CPEB3: variants seen among roughly 807,000 people sequenced by gnomAD.
The protein encoded by CPEB3 is cytoplasmic polyadenylation element-binding protein 3.
CPEB3 carries 20 observed loss-of-function variants against 67.2 expected under a neutral mutation model. The observed-to-expected ratio is 0.30, with a 90% CI of 0.21 to 0.43. The LOEUF (loss-of-function observed/expected upper bound fraction) is 0.43. Among genes scored for constraint, CPEB3 ranks in the 20% least tolerant of loss-of-function variants. The probability of loss-of-function intolerance (pLI) is 1.00; values close to 1 mark genes in which losing one functional copy is unlikely to be tolerated. For synonymous variants in CPEB3, 376 were observed against 393.1 expected, an observed-to-expected ratio of 0.96 and a Z score of 0.51; for missense variants, 746 against 968.6, an observed-to-expected ratio of 0.77 and a Z score of 3.05.
intron 1 of CPEB3, among the ~76,000 whole-genome samples, chr10:92,284,818 C>A (rs1842455894): frequency 6.6e-6 from 1 of 152,150 alleles, no homozygotes; most frequent in Admixed American, 6.5e-5. Context: ...TATCTTCAGT[C>A]CCTAGCTTAG....
At chr10:92,187,472 G>A (rs1263720110) in intron 3 of CPEB3, among the ~76,000 whole-genome samples, 1 of 152,230 alleles carries the variant, frequency 6.6e-6, no homozygotes, top group Non-Finnish European at 1.5e-5. Context: ...TGCATGGGAT[G>A]AAGAAAAAGT....
Position 92,147,770 on chromosome 10 carries a change from T to C in CPEB3, c.1223-2685A>G, listed in dbSNP as rs1846758053. On this transcript the variant is annotated intron_variant, in intron 4 of 9. Transcript: ENST00000265997. ...CAGGAGGGCAATTTTGAGCAGAATC[T>C]TGTCAGAGTGGGAGTTTCTGAAGTA... Among the ~76,000 whole-genome samples, 8 of 152,198 alleles carry C rather than the reference T, an allele frequency of 5.3e-5. No homozygotes were observed. The South Asian group carries it at 1.7e-3, about 32-fold the overall frequency.
rs1436735129 is a variant in CPEB3, at chr10:92,286,579, TATCTA to T, written c.-12+4342_-12+4346del. Among the ~76,000 whole-genome samples the T allele has an allele frequency of 5.5e-4, 80 of 144,696 alleles. No homozygotes were observed. In the South Asian group the frequency reaches 9.5e-3, roughly 17 times the overall value. The allele number at this position is 144,696 out of a possible 152,430, so 94.9% of individuals were successfully genotyped here. On this transcript the variant is annotated intron_variant, in intron 1 of 9. Transcript: ENST00000265997. ...CAGCCTGGGCAGCAGAGCAAGACTC[TATCTA>T]AAAAAAAAAAAAAAAAACATAGGTA...
rs183397291 is a variant in CPEB3 at position 92,254,193 on chromosome 10, C to T, written c.-11-13832G>A. Among the ~76,000 whole-genome samples the T allele has an allele frequency of 5.9e-5, 9 of 151,732 alleles. No homozygotes were observed. The East Asian group carries it at 1.7e-3, about 29-fold the overall frequency. On this transcript the variant is annotated intron_variant, in intron 1 of 9. Transcript: ENST00000265997. ...GCAGTGAGCCATGATTGTGTCAATG[C>T]ACCTCAGCCTGGGCAACAGAGTGAG... is the stretch of plus-strand genomic sequence containing the variant.
intron 1 of CPEB3, among the ~76,000 whole-genome samples, chr10:92,273,281 G>A (rs1853381929): frequency 6.6e-6 from 1 of 151,942 alleles, no homozygotes; most frequent in Admixed American, 6.6e-5. Context: ...CTGTTAAACT[G>A]TATAACAACT....
intron 2 of CPEB3, among the ~76,000 whole-genome samples, chr10:92,227,107 CTG>C (rs1564886050): frequency 6.6e-6 from 1 of 152,166 alleles, no homozygotes; most frequent in Non-Finnish European, 1.5e-5. Flanking sequence ...CTCTAGAGTG[CTG>C]TGTGTTTGTG....
chr10:92,262,984 G>A (rs1300233321), intron 1 of CPEB3, among the ~76,000 whole-genome samples: 1 of 152,068 alleles, frequency 6.6e-6, no homozygotes, highest in Non-Finnish European at 1.5e-5. Flanking sequence ...TGCCCAGGCT[G>A]GTCTCAAATT....
intron 6 of CPEB3, among the ~76,000 whole-genome samples, chr10:92,131,012 C>T (rs1373777066): frequency 2.6e-5 from 4 of 152,182 alleles, no homozygotes; most frequent in Non-Finnish European, 5.9e-5. Context: ...ATATTCTTAA[C>T]ATTGGAATAA....
At chr10:92,150,557 T>C (rs1441542456) in intron 4 of CPEB3, among the ~76,000 whole-genome samples, 2 of 152,216 alleles carry the variant, frequency 1.3e-5, no homozygotes, top group African/African-American at 4.8e-5. Context: ...ATTTGTCCAG[T>C]AATCCCTTGT....
At chr10:92,289,878 CTAAA>C (rs1842760627) in intron 1 of CPEB3, among the ~76,000 whole-genome samples, 2 of 115,940 alleles carry the variant, frequency 1.7e-5, no homozygotes, top group South Asian at 2.3e-4. Context: ...CCCGATTAAA[CTAAA>C]TACTCATTTT....
chr10:92,075,813 G>A (rs866648667), intron 9 of CPEB3, among the ~76,000 whole-genome samples: 14 of 152,042 alleles, frequency 9.2e-5, no homozygotes, highest in African/African-American at 3.4e-4. Context: ...TAAAAGCTTC[G>A]CCAAAGATCA....
At chr10:92,060,852 G>C (rs995280907) in intron 9 of CPEB3, among the ~76,000 whole-genome samples, 6 of 152,114 alleles carry the variant, frequency 3.9e-5, no homozygotes, top group African/African-American at 1.4e-4. Flanking sequence ...ATATCCAAAA[G>C]ACAGGCAATA....
At chr10:92,133,272 C>T (rs1337947170) in intron 6 of CPEB3, among the ~76,000 whole-genome samples, 1 of 151,890 alleles carries the variant, frequency 6.6e-6, no homozygotes, top group Non-Finnish European at 1.5e-5. Flanking sequence ...AGACTGCTAG[C>T]AAGACTAATA....
At chr10:92,147,738 A>G (rs1296970285) in intron 4 of CPEB3, among the ~76,000 whole-genome samples, 1 of 152,026 alleles carries the variant, frequency 6.6e-6, no homozygotes, top group Non-Finnish European at 1.5e-5. Flanking sequence ...TTTTTAGAGT[A>G]TTTTCACAGG....
intron 2 of CPEB3, among the ~76,000 whole-genome samples, chr10:92,214,649 A>AT (rs985725009): frequency 2.0e-5 from 3 of 151,430 alleles, no homozygotes; most frequent in African/African-American, 4.9e-5. Context: ...CATCTGGCTA[A>AT]TTTTTTTTGT....
chr10:92,288,870 T>C (rs1351439122), intron 1 of CPEB3, among the ~76,000 whole-genome samples: 5 of 152,212 alleles, frequency 3.3e-5, no homozygotes, highest in South Asian at 2.1e-4. Flanking sequence ...CCAACTCCCA[T>C]GGCTGACAAC....
intron 2 of CPEB3, among the ~76,000 whole-genome samples, chr10:92,206,054 A>G (rs1265135257): frequency 6.6e-6 from 1 of 152,072 alleles, no homozygotes; most frequent in East Asian, 1.9e-4. Flanking sequence ...TTTAAATGTC[A>G]TAAAGTCAAG....
chr10:92,290,999 C>G lies in CPEB3; in HGVS notation c.-85G>C, dbSNP rs1164725007. The G allele has an allele frequency of 5.9e-6, 1 of 168,406 alleles. No homozygotes were observed. Among genetic ancestry groups the G allele is most frequent in the Non-Finnish European group, 1.3e-5 (1 of 78,156 alleles). 10.4% of individuals were successfully genotyped at this position (168,406 alleles called of 1,614,324 possible). On this transcript the variant is annotated 5_prime_UTR_variant, in exon 1 of 10. Transcript: ENST00000265997. The stretch of plus-strand genomic sequence containing the variant: ...GCGGCCCGAAAGACATTTTTTCCCC[C>G]TGGAGGAAGGAAACGGGAGGGCGCC...
intron 1 of CPEB3, 97 bp from the exon 2 acceptor site, chr10:92,240,458 C>T (rs1345072504): frequency 2.6e-6 from 3 of 1,175,984 alleles, no homozygotes; most frequent in East Asian, 5.6e-5. Context: ...AATCCATCGC[C>T]ACCGCTACTA....
Sources: gnomAD v4.1 joint callset for allele counts (sites outside exome capture counted in the v4.1 genomes callset) on GRCh38, gnomAD v4.1.1 for gene constraint, MANE v1.5 for transcripts, NCBI Gene and HGNC (gene_info 2026-07-23, HGNC 2026-07-21) for gene names.